GAREM1: variants seen among roughly 807,000 people sequenced by gnomAD.
The protein encoded by GAREM1 is GRB2 associated regulator of MAPK1 subtype 1.
GAREM1 carries 26 observed loss-of-function variants against 71.3 expected under a neutral mutation model. That is an observed-to-expected ratio of 0.36 (90% CI 0.27 to 0.51). The LOEUF (loss-of-function observed/expected upper bound fraction) is 0.51, where lower values mean the gene tolerates loss of function less well. Among genes scored for constraint, GAREM1 ranks in the 20% least tolerant of loss-of-function variants. GAREM1 has a pLI of 0.95. For missense variants in GAREM1, 1,026 were observed against 1,103.1 expected (o/e 0.93, Z 0.99); for synonymous variants, 440 against 433.2 (o/e 1.02, Z -0.20).
chr18:32,291,630 T>C (rs2047088332), intron 3 of GAREM1, among the ~76,000 whole-genome samples: 1 of 152,154 alleles, frequency 6.6e-6, no homozygotes, highest in Admixed American at 6.5e-5. Context: ...CTCCTAATGC[T>C]ATCTTCTCTC....
chr18:32,364,406 C>T (rs1040136549), intron 2 of GAREM1, among the ~76,000 whole-genome samples: 6 of 152,178 alleles, frequency 3.9e-5, no homozygotes, highest in East Asian at 3.9e-4. Flanking sequence ...CCTACCCACA[C>T]GTACACACAT....
chr18:32,370,527 T>C lies in GAREM1; in HGVS notation c.262+22368A>G, dbSNP rs576448635. On this transcript the variant is annotated intron_variant, in intron 2 of 5. Coordinates refer to ENST00000269209, the MANE Select transcript of GAREM1 (RefSeq NM_001242409.2). ...ATTTAAGTCAATATTCTTTAATTTA[T>C]ATATCATATTCCTTTGGTTCCCAAT... is the stretch of plus-strand genomic sequence containing the variant. 3.3e-5 allele frequency among the ~76,000 whole-genome samples: 5 copies of C among 152,338 alleles called. No individual in the cohort carries two copies. In the South Asian group the frequency reaches 1.0e-3, roughly 32 times the overall value.
intron 3 of GAREM1, among the ~76,000 whole-genome samples, chr18:32,300,783 G>C (rs1008622996): frequency 6.6e-6 from 1 of 151,030 alleles, no homozygotes; most frequent in South Asian, 2.1e-4. Flanking sequence ...GTGCATGCCT[G>C]TAATCCCAGC....
chr18:32,302,594 C>A (rs779259147), intron 3 of GAREM1, among the ~76,000 whole-genome samples: 11 of 152,098 alleles, frequency 7.2e-5, no homozygotes, highest in South Asian at 4.1e-4. Context: ...TTATGCTAAG[C>A]AAAATAAGCC....
intron 2 of GAREM1, among the ~76,000 whole-genome samples, chr18:32,355,197 G>C (rs1272941464): frequency 6.6e-6 from 1 of 152,078 alleles, no homozygotes; most frequent in Non-Finnish European, 1.5e-5. Flanking sequence ...TGAAGAACTT[G>C]TGTCTAATTA....
intron 2 of GAREM1, among the ~76,000 whole-genome samples, chr18:32,377,859 G>A (rs184142738): frequency 1.3e-5 from 2 of 152,188 alleles, no homozygotes; most frequent in Admixed American, 6.5e-5. Flanking sequence ...CACCGGGCCT[G>A]GCCAGAAGAT....
intron 1 of GAREM1, among the ~76,000 whole-genome samples, chr18:32,426,208 T>C (rs142257532): frequency 0.024 from 3,668 of 151,958 alleles, 62 homozygotes; most frequent in Non-Finnish European, 0.038. Flanking sequence ...TTAGTAGAGA[T>C]GGGGTTTCAC....
intron 1 of GAREM1, among the ~76,000 whole-genome samples, chr18:32,396,259 TC>T (rs1376292541): frequency 2.6e-5 from 4 of 151,894 alleles, no homozygotes; most frequent in African/African-American, 4.8e-5. Flanking sequence ...AGAGCACCTC[TC>T]CCCCTTCAAA....
At chr18:32,307,318 C>T (rs1178328387) in intron 3 of GAREM1, among the ~76,000 whole-genome samples, 1 of 152,058 alleles carries the variant, frequency 6.6e-6, no homozygotes, top group Non-Finnish European at 1.5e-5. Flanking sequence ...TACGCTGTAT[C>T]TGAAGTAGAA....
chr18:32,309,442 C>T (rs1310565746), intron 3 of GAREM1, among the ~76,000 whole-genome samples: 1 of 137,956 alleles, frequency 7.2e-6, no homozygotes, highest in South Asian at 2.3e-4. Context: ...GGTGAAACCC[C>T]ATCTCTACTA....
chr18:32,468,958 CG>C (rs1413542206), intron 1 of GAREM1, among the ~76,000 whole-genome samples: 4 of 34,262 alleles, frequency 1.2e-4, no homozygotes, highest in Non-Finnish European at 2.9e-4. Context: ...ACCACCTGTG[CG>C]TCCCCCCCCC....
intron 3 of GAREM1, among the ~76,000 whole-genome samples, chr18:32,300,102 G>A (rs2047185031): frequency 6.6e-6 from 1 of 152,074 alleles, no homozygotes; most frequent in African/African-American, 2.4e-5. Context: ...AATACTGAAA[G>A]GAAATTATAG....
At position 32,266,533 on chromosome 18, in the gene GAREM1, C is replaced by T. The variant is rs536298841; in HGVS notation, c.*1338G>A. 2.7e-4 allele frequency: 41 copies of T among 152,190 alleles called. No individual in the cohort carries two copies. Among genetic ancestry groups the T allele is most frequent in the Admixed American group, 1.6e-3 (25 of 15,288 alleles). The allele number at this position is 152,190 out of a possible 1,614,324, so 9.4% of individuals were successfully genotyped here. A position where few individuals can be genotyped will look rare whatever the true frequency, so the allele number is the denominator to read the frequency against. Reference sequence around the variant, plus strand: ...TCTCTAAAAAAGTCAAGAATAATGACGCCATTATATTTTGGAATACTTAAT... The same window carrying T: ...TCTCTAAAAAAGTCAAGAATAATGATGCCATTATATTTTGGAATACTTAAT... On this transcript the variant is annotated 3_prime_UTR_variant, in exon 6 of 6. Coordinates refer to ENST00000269209, the MANE Select transcript of GAREM1 (RefSeq NM_001242409.2).
At chr18:32,373,217 C>T (rs1309880949) in intron 2 of GAREM1, among the ~76,000 whole-genome samples, 1 of 152,134 alleles carries the variant, frequency 6.6e-6, no homozygotes, top group Admixed American at 6.5e-5. Flanking sequence ...GTTGTATCAA[C>T]TTGGAAGAGA....
chr18:32,463,646 T>C (rs567124785), intron 1 of GAREM1, among the ~76,000 whole-genome samples: 2 of 149,962 alleles, frequency 1.3e-5, no homozygotes, highest in Non-Finnish European at 3.0e-5. Context: ...CTCAGCTCAC[T>C]GCAAACTCCA....
rs538364156 is a variant in GAREM1, at chr18:32,365,820, T to C, written c.262+27075A>G. 2.0e-5 allele frequency among the ~76,000 whole-genome samples: 3 copies of C among 152,316 alleles called. No individual in the cohort carries two copies. In the East Asian group the frequency reaches 5.8e-4, roughly 29 times the overall value. ...CATTAAAGTAATGCACAAAGTAGTA[T>C]GAAACCTTTTCATTATGAGTTACAC... On this transcript the variant is annotated intron_variant, in intron 2 of 5. Coordinates refer to ENST00000269209, the MANE Select transcript of GAREM1 (RefSeq NM_001242409.2).
Position 32,270,285 on chromosome 18 carries a change from C to T in GAREM1, c.1665G>A (p.Lys555=). 1 of 1,613,920 alleles carries T rather than the reference C, an allele frequency of 6.2e-7. No individual in the cohort carries two copies. The highest frequency in any genetic ancestry group is 8.5e-7 in the Non-Finnish European group (1 of 1,179,964). The change falls in exon 5 of 6, where the codon AAG becomes AAA. Residue 555 remains lysine, a synonymous_variant. Coordinates refer to ENST00000269209, the MANE Select transcript of GAREM1 (RefSeq NM_001242409.2). ...GAGAGCGAGTCTGTTGCCGCGCTGG[C>T]TTGACTGTGCGAGGAGGGATGGAGG... ...TSPSIPPRTV[K]PARQQTRSPS...
intron 2 of GAREM1, among the ~76,000 whole-genome samples, chr18:32,342,282 A>G (rs949867346): frequency 6.6e-6 from 1 of 152,150 alleles, no homozygotes; most frequent in Non-Finnish European, 1.5e-5. Flanking sequence ...TTTACCATCA[A>G]TAACTCTCCT....
chr18:32,279,085 G>A (rs1209932335), intron 4 of GAREM1, among the ~76,000 whole-genome samples: 1 of 152,186 alleles, frequency 6.6e-6, no homozygotes, highest in East Asian at 1.9e-4. Flanking sequence ...TGCCATTGAG[G>A]AGTAGAATAA....
Sources: allele counts gnomAD v4.1 joint callset (sites outside exome capture counted in the v4.1 genomes callset), GRCh38; gene constraint gnomAD v4.1.1; transcripts MANE v1.5; gene names NCBI Gene and HGNC (gene_info 2026-07-23, HGNC 2026-07-21).